The following CRAT variants were observed in gnomAD, a reference collection of about 807,000 sequenced individuals.
CRAT encodes carnitine acetylase.
In CRAT, 66 loss-of-function variants were observed where a neutral mutation model predicts 73.7. The observed-to-expected ratio is 0.90, with a 90% CI of 0.73 to 1.10. The LOEUF (loss-of-function observed/expected upper bound fraction) is 1.10. Ranked by LOEUF, CRAT falls within the 50% of genes least tolerant of loss-of-function variation. The probability of loss-of-function intolerance (pLI) is 0.00; values close to 1 mark genes in which losing one functional copy is unlikely to be tolerated. For synonymous variants in CRAT, 321 were observed against 343.2 expected, an observed-to-expected ratio of 0.94 and a Z score of 0.71; for missense variants, 745 against 846.9, an observed-to-expected ratio of 0.88 and a Z score of 1.49.
chr9:129,103,152 G>T lies in CRAT; in HGVS notation c.411-86C>A. ...GGGACACCTGCTTGGGGAGCGGGAG[G>T]TCTAGTCTTCCAGCCTCTCTCACCG... On this transcript the variant is annotated intron_variant, in intron 3 of 13. Coordinates refer to ENST00000318080, the MANE Select transcript of CRAT (RefSeq NM_000755.5). The surrounding 1 kb of genome is among the most constrained non-coding windows in gnomAD (Gnocchi z 4.6). The T allele has an allele frequency of 8.5e-7, 1 of 1,179,018 alleles. No homozygotes were observed. Among genetic ancestry groups the T allele is most frequent in the Non-Finnish European group, 1.3e-6 (1 of 786,064 alleles). 73.0% of individuals were successfully genotyped at this position (1,179,018 alleles called of 1,614,324 possible).
Position 129,107,677 on chromosome 9 carries a change from C to G in CRAT, c.291+137G>C, listed in dbSNP as rs900699376. 8.0e-7 allele frequency: 1 copy of G among 1,253,098 alleles called. No individual in the cohort carries two copies. Among genetic ancestry groups the G allele is most frequent in the South Asian group, 1.3e-5 (1 of 79,360 alleles). 77.6% of individuals were successfully genotyped at this position (1,253,098 alleles called of 1,614,324 possible). A position where few individuals can be genotyped will look rare whatever the true frequency, so the allele number is the denominator to read the frequency against. ...TGTGTCCTTCTTGATCACCCAGCAC[C>G]CTGCCAAGTGCCAGACACAGAGTAT... On this transcript the variant is annotated intron_variant, in intron 2 of 13. Coordinates refer to ENST00000318080, the MANE Select transcript of CRAT (RefSeq NM_000755.5). This position sits in a 1 kb window ranked among gnomAD's most constrained non-coding sequence, Gnocchi z 5.0.
In CRAT at chr9:129,095,726, T is replaced by A. The variant is rs548303462; in HGVS notation, c.1666-114A>T. The A allele has an allele frequency of 8.8e-5, 99 of 1,125,536 alleles. 2 individuals are homozygous for A. The African/African-American group carries it at 1.4e-3, about 16-fold the overall frequency. 69.7% of individuals were successfully genotyped at this position (1,125,536 alleles called of 1,614,324 possible). ...GGCCCCTTGTGGGCAGGGATCATGG[T>A]CTGTCCCCTGCTATATCCCAGCAAC... On this transcript the variant is annotated intron_variant, in intron 13 of 13. Transcript: ENST00000318080.
At position 129,103,695 on chromosome 9, in the gene CRAT, G is replaced by C. The variant is rs2131472597; in HGVS notation, c.410+493C>G. ...TCCCAGGGTACCCTGGTCCCTTTAAGAGAAGCAGGTGGTGGCAGCCAGTGG... is the reference window on the plus strand; with the variant it reads ...TCCCAGGGTACCCTGGTCCCTTTAACAGAAGCAGGTGGTGGCAGCCAGTGG... On this transcript the variant is annotated intron_variant, in intron 3 of 13. Transcript: ENST00000318080. This position sits in a 1 kb window ranked among gnomAD's most constrained non-coding sequence, Gnocchi z 4.6. 6.6e-6 allele frequency among the ~76,000 whole-genome samples: 1 copy of C among 152,286 alleles called. No individual in the cohort carries two copies. The highest frequency in any genetic ancestry group is 1.9e-4 in the East Asian group (1 of 5,180).
At chr9:129,109,939 T>C (rs1056092901) in intron 1 of CRAT, among the ~76,000 whole-genome samples, 1 of 16,446 alleles carries the variant, frequency 6.1e-5, no homozygotes, top group Non-Finnish European at 1.2e-4. Flanking sequence ...ACAGCCAGGG[T>C]GGGGAAGGGG....
rs1490849526 is a variant in CRAT, at chr9:129,106,089, G to A, written c.291+1725C>T. On this transcript the variant is annotated intron_variant, in intron 2 of 13. Coordinates refer to ENST00000318080, the MANE Select transcript of CRAT (RefSeq NM_000755.5). This position sits in a 1 kb window ranked among gnomAD's most constrained non-coding sequence, Gnocchi z 4.0. The stretch of plus-strand genomic sequence containing the variant: ...AGCAGGATGCGCCTCTTCATCACAC[G>A]CACTCCCCTGCAGCACTGGGCCACT... 2.0e-5 allele frequency among the ~76,000 whole-genome samples: 3 copies of A among 152,286 alleles called. No individual in the cohort carries two copies. Among genetic ancestry groups the A allele is most frequent in the Middle Eastern group, 3.4e-3 (1 of 294 alleles).
At chr9:129,108,140 G>C in intron 1 of CRAT, 63 bp from the exon 2 acceptor site, 1 of 1,489,744 alleles carries the variant, frequency 6.7e-7, no homozygotes, top group African/African-American at 1.4e-5. Context: ...CAGCCCCAAA[G>C]CTGTAGTCCT....
Position 129,102,469 on chromosome 9 carries a change from C to CCAAGT in CRAT, c.560_561insACTTG (p.Asp188LeufsTer86). ...TCTTGCTGAAGTTGCTGACTGTGTC[C>CCAAGT]TGCTTGGGGCCCGGCACTCGGCAGG... On this transcript the variant is annotated frameshift_variant, in exon 5 of 14. Transcript: ENST00000318080. LOFTEE classifies it high-confidence loss of function. The CCAAGT allele has an allele frequency of 6.2e-7, 1 of 1,614,186 alleles. No homozygotes were observed. The highest frequency in any genetic ancestry group is 8.5e-7 in the Non-Finnish European group (1 of 1,180,024).
intron 1 of CRAT, chr9:129,108,849 A>G: frequency 7.7e-7 from 1 of 1,304,066 alleles, no homozygotes; most frequent in East Asian, 5.5e-5. Flanking sequence ...TCTAAGCCTA[A>G]CTGTGCTACA....
rs774794770 is a variant in CRAT, at chr9:129,103,076, T to C, written c.411-10A>G. ...GAGTTTGGCAGCAAATCTGGAAAGATTGATTAGAGATTAGAAGCTGCGTGG... is the reference window on the plus strand; with the variant it reads ...GAGTTTGGCAGCAAATCTGGAAAGACTGATTAGAGATTAGAAGCTGCGTGG... On this transcript the variant is annotated splice_polypyrimidine_tract_variant and intron_variant, in intron 3 of 13. Transcript: ENST00000318080. The surrounding 1 kb of genome is among the most constrained non-coding windows in gnomAD (Gnocchi z 4.6). 3.0e-5 allele frequency: 49 copies of C among 1,613,576 alleles called. No individual in the cohort carries two copies. Among genetic ancestry groups the C allele is most frequent in the Admixed American group, 2.5e-4 (15 of 59,988 alleles).
chr9:129,100,077 T>A, intron 7 of CRAT, 111 bp from the exon 8 acceptor site: 1 of 735,402 alleles, frequency 1.4e-6, no homozygotes, highest in Non-Finnish European at 2.3e-6. Flanking sequence ...CTCAAGGGGC[T>A]ATGATGACTT....
chr9:129,097,681 C>T (rs1358753315), intron 11 of CRAT, among the ~76,000 whole-genome samples: 2 of 150,742 alleles, frequency 1.3e-5, no homozygotes, highest in Admixed American at 1.3e-4. Context: ...TGCACTCCAG[C>T]CTGGGCAACA....
At position 129,103,159 on chromosome 9, in the gene CRAT, C is replaced by T. The variant is rs1847796792; in HGVS notation, c.411-93G>A. 9.4e-7 allele frequency: 1 copy of T among 1,063,732 alleles called. No individual in the cohort carries two copies. The highest frequency in any genetic ancestry group is 1.6e-5 in the African/African-American group (1 of 63,784). The allele number at this position is 1,063,732 out of a possible 1,614,324, so 65.9% of individuals were successfully genotyped here. On this transcript the variant is annotated intron_variant, in intron 3 of 13. Coordinates refer to ENST00000318080, the MANE Select transcript of CRAT (RefSeq NM_000755.5). This position sits in a 1 kb window ranked among gnomAD's most constrained non-coding sequence, Gnocchi z 4.6. ...CTGCTTGGGGAGCGGGAGGTCTAGT[C>T]TTCCAGCCTCTCTCACCGCTTCCAG...
Position 129,108,034 on chromosome 9 carries a change from G to A in CRAT, c.71C>T (p.Ala24Val), listed in dbSNP as rs373619284. ...CTGGTGTGCCTTGAAGCGGCTGGAA[G>A]CCTTCATCAAGGAGAAGGGCTTCAG... is the stretch of plus-strand genomic sequence containing the variant. ...GFLKPFSLMK[A>V]SSRFKAHQDA... Residue 24 changes from alanine to valine, a missense_variant, in exon 2 of 14, where the codon GCT becomes GTT. Physicochemically the swap from Ala to Val is moderately conservative, Grantham distance 64. Transcript: ENST00000318080. 23 of 1,546,392 alleles carry A rather than the reference G, an allele frequency of 1.5e-5. No individual in the cohort carries two copies. The highest frequency in any genetic ancestry group is 2.0e-5 in the Non-Finnish European group (23 of 1,149,232).
intron 2 of CRAT, among the ~76,000 whole-genome samples, chr9:129,104,884 A>G (rs371549081): frequency 0.041 from 5,343 of 131,050 alleles, 275 homozygotes; most frequent in African/African-American, 0.13. Context: ...GATTACAGGC[A>G]TGAGCCACTG....
intron 2 of CRAT, among the ~76,000 whole-genome samples, chr9:129,105,787 T>C (rs1422946385): frequency 1.3e-5 from 2 of 152,060 alleles, no homozygotes; most frequent in Non-Finnish European, 2.9e-5. Context: ...GATGAATCCT[T>C]ATGCTAGTGA....
intron 8 of CRAT, among the ~76,000 whole-genome samples, chr9:129,099,142 CTTTTTTTT>C (rs58079634): frequency 2.3e-5 from 3 of 130,360 alleles, no homozygotes; most frequent in Non-Finnish European, 4.9e-5. Context: ...GCGTGGCTAA[CTTTTTTTT>C]TTTTTTTTTT....
At chr9:129,097,626 T>C (rs937690578) in intron 11 of CRAT, among the ~76,000 whole-genome samples, 1 of 151,954 alleles carries the variant, frequency 6.6e-6, no homozygotes, top group Non-Finnish European at 1.5e-5. Flanking sequence ...GGAGGATTGC[T>C]TGAACCCGGG....
intron 1 of CRAT, among the ~76,000 whole-genome samples, chr9:129,109,504 G>T (rs946671326): frequency 3.3e-5 from 5 of 152,224 alleles, no homozygotes; most frequent in African/African-American, 1.2e-4. Context: ...CTGGGATTGG[G>T]CTGGATTTGA....
Position 129,104,180 on chromosome 9 carries a change from C to T in CRAT, c.410+8G>A. On this transcript the variant is annotated splice_region_variant and intron_variant, in intron 3 of 13. Coordinates refer to ENST00000318080, the MANE Select transcript of CRAT (RefSeq NM_000755.5). The stretch of plus-strand genomic sequence containing the variant: ...CTGCCTCCTGGCCCCCAAACCCCAG[C>T]CACTCACCGGAGCTGACCCTGCAGG... 1 of 1,599,366 alleles carries T rather than the reference C, an allele frequency of 6.3e-7. No homozygotes were observed. The highest frequency in any genetic ancestry group is 1.1e-5 in the South Asian group (1 of 89,100).
Sources: gnomAD v4.1 joint callset for allele counts (sites outside exome capture counted in the v4.1 genomes callset) on GRCh38, gnomAD v4.1.1 for gene constraint, Gnocchi (gnomAD v3.1) non-coding constraint, MANE v1.5 for transcripts, NCBI Gene and HGNC (gene_info 2026-07-23, HGNC 2026-07-21) for gene names.